The following MYO5C variants were observed in gnomAD, a reference collection of about 807,000 sequenced individuals.
MYO5C encodes the protein myosin VC, also known as unconventional myosin-Vc.
Under a neutral mutation model 235.7 loss-of-function variants are expected in MYO5C, and 194 were observed. The ratio of observed to expected loss-of-function variants is 0.82; its 90% CI spans 0.73 to 0.93. MYO5C has a LOEUF of 0.93. Among genes scored for constraint, MYO5C ranks in the 40% least tolerant of loss-of-function variants. MYO5C has a pLI of 0.00. For missense variants in MYO5C, 2,038 were observed against 2,127.2 expected, an observed-to-expected ratio of 0.96 and a Z score of 0.82; for synonymous variants, 707 against 754.8, an observed-to-expected ratio of 0.94 and a Z score of 1.04.
intron 8 of MYO5C, 93 bp downstream of exon 8, chr15:52,269,660 G>T: frequency 1.3e-6 from 1 of 784,654 alleles, no homozygotes; most frequent in East Asian, 2.5e-5. Context: ...CAAAGTGTTG[G>T]GATTACAGGT....
At position 52,275,622 on chromosome 15, in the gene MYO5C, G is replaced by C; in HGVS notation, c.546C>G (p.Ser182Arg). Residue 182 changes from serine (S) to arginine (R), a missense_variant, in exon 5 of 41, where the codon AGC (serine) becomes AGG (arginine). Transcript: ENST00000261839. ...CCACGTGAGCGTTGCTGCCCGATTT[G>C]CTGACGGTGGCAAAGTACCTCATGG... is the stretch of plus-strand genomic sequence containing the variant. The part of the protein sequence containing the change: ...RYAMRYFATV[S>R]KSGSNAHVED... The C allele has an allele frequency of 1.2e-6, 2 of 1,614,194 alleles. No individual in the cohort carries two copies. Among genetic ancestry groups the C allele is most frequent in the Non-Finnish European group, 1.7e-6 (2 of 1,180,040 alleles).
At chr15:52,228,064 T>A (rs1459997521) in intron 25 of MYO5C, among the ~76,000 whole-genome samples, 1 of 152,192 alleles carries the variant, frequency 6.6e-6, no homozygotes, top group African/African-American at 2.4e-5. Context: ...CATTACTTCA[T>A]CCATTCATTC....
chr15:52,259,282 T>C (rs1411716048), intron 10 of MYO5C, among the ~76,000 whole-genome samples: 2 of 151,494 alleles, frequency 1.3e-5, no homozygotes, highest in Non-Finnish European at 2.9e-5. Context: ...CAGCCGGGCG[T>C]AGTGGCAGGT....
At chr15:52,229,595 A>T (rs1319353963) in intron 24 of MYO5C, among the ~76,000 whole-genome samples, 2 of 152,164 alleles carry the variant, frequency 1.3e-5, no homozygotes, top group African/African-American at 4.8e-5. Flanking sequence ...CTGCACTTCA[A>T]TCTGGGTGAC....
chr15:52,272,819 T>C (rs2036955513), intron 5 of MYO5C, 96 bp from the exon 6 acceptor site: 2 of 1,244,086 alleles, frequency 1.6e-6, no homozygotes, highest in South Asian at 2.9e-5. Flanking sequence ...TCCTGTACCC[T>C]AGGGGAAGGT....
chr15:52,199,666 C>G (rs969179631), intron 38 of MYO5C, among the ~76,000 whole-genome samples: 2 of 152,142 alleles, frequency 1.3e-5, no homozygotes, highest in African/African-American at 4.8e-5. Flanking sequence ...CAATGCCCTA[C>G]CTTTTCCCTC....
chr15:52,201,569 T>C (rs2035187870), intron 38 of MYO5C, among the ~76,000 whole-genome samples: 1 of 151,980 alleles, frequency 6.6e-6, no homozygotes, highest in Non-Finnish European at 1.5e-5. Context: ...AAAATGAGAC[T>C]TGGAAAAAAA....
chr15:52,214,739 T>TG (rs1566964612), intron 32 of MYO5C, 49 bp from the exon 33 acceptor site: 9 of 1,256,292 alleles, frequency 7.2e-6, no homozygotes, highest in Non-Finnish European at 8.6e-6. Flanking sequence ...CACTTTAATC[T>TG]ATTTTTTTTT....
chr15:52,203,089 T>A (rs1357568403), intron 38 of MYO5C, among the ~76,000 whole-genome samples: 1 of 151,692 alleles, frequency 6.6e-6, no homozygotes, highest in Admixed American at 6.6e-5. Flanking sequence ...CCTGGCTAAT[T>A]TTTTTGTATT....
intron 37 of MYO5C, chr15:52,205,550 A>G (rs1158077324): frequency 8.8e-6 from 3 of 340,050 alleles, no homozygotes; most frequent in Non-Finnish European, 1.6e-5. Context: ...TAGAAGTACC[A>G]CATAAATAGC....
Position 52,239,833 on chromosome 15 carries a change from G to T in MYO5C, c.2603C>A (p.Ala868Glu), listed in dbSNP as rs375271766. The T allele has an allele frequency of 2.5e-6, 4 of 1,613,616 alleles. No homozygotes were observed. The African/African-American group carries it at 5.3e-5, about 22-fold the overall frequency. ...KAVILQKYAR[A>E]WLARRRFQSI... Reference sequence around the variant, plus strand: ...CTGGAATCTGCGTCTGGCCAGCCACGCCCGTGCGTATTTCTGTAGGATCAC... The same window carrying T: ...CTGGAATCTGCGTCTGGCCAGCCACTCCCGTGCGTATTTCTGTAGGATCAC... The change falls in exon 21 of 41, where the codon GCG becomes GAG. Residue 868 changes from alanine (A) to glutamate (E), a missense_variant. Transcript: ENST00000261839.
chr15:52,218,162 T>C (rs1320166495), intron 32 of MYO5C, among the ~76,000 whole-genome samples: 6 of 152,202 alleles, frequency 3.9e-5, no homozygotes, highest in African/African-American at 9.6e-5. Flanking sequence ...TGGGCACTTA[T>C]ATGGGGTGAG....
chr15:52,252,442 A>ATT (rs796468489), intron 12 of MYO5C, among the ~76,000 whole-genome samples: 2 of 146,088 alleles, frequency 1.4e-5, no homozygotes, highest in African/African-American at 5.0e-5. Flanking sequence ...GATACATGTG[A>ATT]TTTTTTTTTT....
At position 52,244,712 on chromosome 15, in the gene MYO5C, G is replaced by C. The variant is rs555002155; in HGVS notation, c.2179-145C>G. On this transcript the variant is annotated intron_variant, in intron 18 of 40. Transcript: ENST00000261839. ...GGCAGAAAACTCACATCATGATCTA[G>C]AAATGTATACTTTGAGTTGTTTGTT... is the stretch of plus-strand genomic sequence containing the variant. The C allele has an allele frequency of 1.3e-5, 8 of 622,026 alleles. No homozygotes were observed. In the Admixed American group the frequency reaches 1.8e-4, roughly 14 times the overall value. 38.5% of individuals were successfully genotyped at this position (622,026 alleles called of 1,614,324 possible). A position where few individuals can be genotyped will look rare whatever the true frequency, so the allele number is the denominator to read the frequency against.
At chr15:52,286,957 G>GAAAAAAA (rs1012679471) in intron 1 of MYO5C, among the ~76,000 whole-genome samples, 6 of 111,934 alleles carry the variant, frequency 5.4e-5, no homozygotes, top group South Asian at 2.8e-4. Context: ...AAAGAAAAAA[G>GAAAAAAA]AAAAAAAAAA....
chr15:52,241,952 G>C (rs1238137407), intron 20 of MYO5C, 96 bp downstream of exon 20: 3 of 1,323,948 alleles, frequency 2.3e-6, no homozygotes, highest in Admixed American at 2.3e-5. Flanking sequence ...TACAAAGTGA[G>C]GTTGCCCATA....
chr15:52,289,057 G>A (rs996275395), intron 1 of MYO5C, among the ~76,000 whole-genome samples: 2 of 152,136 alleles, frequency 1.3e-5, no homozygotes, highest in Non-Finnish European at 1.5e-5. Context: ...TTCCCTCCTA[G>A]AACCGCTTTC....
At chr15:52,243,827 G>A (rs1438948766) in intron 19 of MYO5C, among the ~76,000 whole-genome samples, 4 of 152,178 alleles carry the variant, frequency 2.6e-5, no homozygotes, top group Non-Finnish European at 5.9e-5. Context: ...CGCAGCTGGT[G>A]GACCACCCTC....
chr15:52,213,165 T>C lies in MYO5C; in HGVS notation c.4141+23A>G, dbSNP rs763485632. ...CAAGTTCTCAAAGAGAAAGCAAAAA[T>C]CCAGAGTTCCAGGTTTCACTACCAA... is the stretch of plus-strand genomic sequence containing the variant. On this transcript the variant is annotated intron_variant, in intron 34 of 40. Coordinates refer to ENST00000261839, the MANE Select transcript of MYO5C (RefSeq NM_018728.4). 3.9e-5 allele frequency: 62 copies of C among 1,597,028 alleles called. 1 individual carries two copies. The East Asian group carries it at 9.8e-4, about 25-fold the overall frequency.
Sources: allele counts gnomAD v4.1 joint callset (sites outside exome capture counted in the v4.1 genomes callset), GRCh38; gene constraint gnomAD v4.1.1; transcripts MANE v1.5; gene names NCBI Gene and HGNC (gene_info 2026-07-23, HGNC 2026-07-21).